TNKS: variants seen among roughly 807,000 people sequenced by gnomAD.
TNKS encodes tankyrase, also known as poly [ADP-ribose] polymerase tankyrase-1.
A neutral mutation model predicts 135.8 loss-of-function variants in TNKS; 72 were observed. The ratio of observed to expected loss-of-function variants is 0.53; its 90% CI spans 0.44 to 0.64. The LOEUF is 0.64. Among genes scored for constraint, TNKS ranks in the 30% least tolerant of loss-of-function variants. The probability of loss-of-function intolerance (pLI) is 0.00; values close to 1 mark genes in which losing one functional copy is unlikely to be tolerated. For missense variants in TNKS, 1,769 were observed against 1,674.0 expected, an observed-to-expected ratio of 1.06 and a Z score of -0.99; for synonymous variants, 849 against 649.3, an observed-to-expected ratio of 1.31 and a Z score of -4.68.
At chr8:9,576,466 CTTTTTTTTTTTT>C (rs915555599) in intron 1 of TNKS, among the ~76,000 whole-genome samples, 3 of 131,478 alleles carry the variant, frequency 2.3e-5, no homozygotes, top group African/African-American at 8.5e-5. Context: ...CCACCCCCCT[CTTTTTTTTTTTT>C]TTTTTTTTTT....
At chr8:9,713,915 C>G (rs1209527500) in intron 11 of TNKS, among the ~76,000 whole-genome samples, 1 of 152,110 alleles carries the variant, frequency 6.6e-6, no homozygotes, top group African/African-American at 2.4e-5. Flanking sequence ...CTCATGGTTT[C>G]CATTTGATTC....
intron 11 of TNKS, among the ~76,000 whole-genome samples, chr8:9,715,330 A>T (rs530091571): frequency 6.7e-6 from 1 of 149,196 alleles, no homozygotes; most frequent in Admixed American, 6.7e-5. Flanking sequence ...GTTCAAGGAA[A>T]GTAGCAAGGA....
At chr8:9,651,893 T>G (rs1322726663) in intron 3 of TNKS, among the ~76,000 whole-genome samples, 2 of 152,220 alleles carry the variant, frequency 1.3e-5, no homozygotes, top group Non-Finnish European at 2.9e-5. Context: ...AAAATACTAA[T>G]GTACATATTA....
intron 3 of TNKS, among the ~76,000 whole-genome samples, chr8:9,656,673 G>T (rs1472998598): frequency 6.7e-6 from 1 of 149,114 alleles, no homozygotes; most frequent in Admixed American, 6.6e-5. Flanking sequence ...CACAGAGGGG[G>T]ATTTGGCAGG....
intron 5 of TNKS, among the ~76,000 whole-genome samples, chr8:9,700,660 A>C (rs1265653406): frequency 6.6e-6 from 1 of 151,488 alleles, no homozygotes; most frequent in Non-Finnish European, 1.5e-5. Context: ...CAACCTGGAA[A>C]CTACTCTATC....
chr8:9,622,149 T>G (rs1467610279), intron 3 of TNKS, among the ~76,000 whole-genome samples: 2 of 152,228 alleles, frequency 1.3e-5, no homozygotes, highest in Non-Finnish European at 1.5e-5. Context: ...AGGAGAAGAA[T>G]GTAAAACTCA....
intron 3 of TNKS, among the ~76,000 whole-genome samples, chr8:9,626,098 T>C (rs1241518738): frequency 6.6e-6 from 1 of 152,236 alleles, no homozygotes; most frequent in Non-Finnish European, 1.5e-5. Flanking sequence ...TGTAGCTTTG[T>C]TGCATACACA....
At chr8:9,684,896 A>T (rs1420409319) in intron 5 of TNKS, among the ~76,000 whole-genome samples, 2 of 152,160 alleles carry the variant, frequency 1.3e-5, no homozygotes, top group African/African-American at 4.8e-5. Flanking sequence ...TTAAAATGAT[A>T]CAGTATTCCT....
rs539685196 is a variant in TNKS, at chr8:9,693,028, A to G, written c.1108-11635A>G. On this transcript the variant is annotated intron_variant, in intron 5 of 26. Transcript: ENST00000310430. ...CAGATTAATCATGTCTCTGTGCCTG[A>G]TAGAAATTTAATAAAGCTAATTATG... Among the ~76,000 whole-genome samples, 4 of 152,342 alleles carry G rather than the reference A, an allele frequency of 2.6e-5. 1 individual carries two copies. The highest frequency in any genetic ancestry group is 9.6e-5 in the African/African-American group (4 of 41,580).
chr8:9,687,588 T>C (rs1803065559), intron 5 of TNKS, among the ~76,000 whole-genome samples: 1 of 152,242 alleles, frequency 6.6e-6, no homozygotes, highest in African/African-American at 2.4e-5. Flanking sequence ...CCAAGTGCGC[T>C]GTTTTCTCTG....
Position 9,700,626 on chromosome 8 carries a change from T to C in TNKS, c.1108-4037T>C, listed in dbSNP as rs191235094. Among the ~76,000 whole-genome samples the C allele has an allele frequency of 8.5e-4, 129 of 152,050 alleles. 3 individuals carry two copies. In the South Asian group the frequency reaches 0.01, roughly 12 times the overall value. On this transcript the variant is annotated intron_variant, in intron 5 of 26. Coordinates refer to ENST00000310430, the MANE Select transcript of TNKS (RefSeq NM_003747.3). ...ACACTCCCTTCTTTTTTTTTTTCTG[T>C]TGTTCTTCTGTCATTGGCATTTCCA...
At chr8:9,740,851 A>C (rs1226125618) in intron 17 of TNKS, 1 of 47,958 alleles carries the variant, frequency 2.1e-5, no homozygotes, top group Non-Finnish European at 5.0e-5. Flanking sequence ...TTTTTTGAGA[A>C]CAGGTCGGAC....
At chr8:9,649,086 A>G (rs994686092) in intron 3 of TNKS, among the ~76,000 whole-genome samples, 3 of 152,234 alleles carry the variant, frequency 2.0e-5, no homozygotes, top group Non-Finnish European at 4.4e-5. Context: ...TCAGTGAAGA[A>G]ATTATTATAA....
intron 5 of TNKS, among the ~76,000 whole-genome samples, chr8:9,701,101 T>G (rs1268448541): frequency 6.6e-6 from 1 of 151,954 alleles, no homozygotes; most frequent in Non-Finnish European, 1.5e-5. Flanking sequence ...ACCTGGCTAA[T>G]TTTTTGTATT....
At chr8:9,618,390 G>A (rs1405283181) in intron 3 of TNKS, among the ~76,000 whole-genome samples, 2 of 152,134 alleles carry the variant, frequency 1.3e-5, no homozygotes, top group Non-Finnish European at 2.9e-5. Flanking sequence ...GTTTTGGATA[G>A]CACACTTGGA....
At chr8:9,634,684 A>G (rs956737178) in intron 3 of TNKS, among the ~76,000 whole-genome samples, 2 of 152,186 alleles carry the variant, frequency 1.3e-5, no homozygotes, top group South Asian at 4.1e-4. Flanking sequence ...ACTGCGGGAA[A>G]CAAACCTCTA....
intron 17 of TNKS, among the ~76,000 whole-genome samples, chr8:9,745,074 GTTTAA>G (rs1449412986): frequency 9.5e-4 from 144 of 152,264 alleles, no homozygotes; most frequent in Middle Eastern, 3.4e-3. Context: ...CAGAAACACA[GTTTAA>G]GTAGCTTGTA....
At chr8:9,596,719 A>C (rs1798801849) in intron 2 of TNKS, among the ~76,000 whole-genome samples, 3 of 152,214 alleles carry the variant, frequency 2.0e-5, no homozygotes, top group Non-Finnish European at 4.4e-5. Context: ...GTCAAGCCTG[A>C]AAATTTCTAA....
At chr8:9,652,474 T>A (rs887318404) in intron 3 of TNKS, among the ~76,000 whole-genome samples, 3 of 152,214 alleles carry the variant, frequency 2.0e-5, no homozygotes, top group African/African-American at 7.2e-5. Flanking sequence ...GGATTATAAC[T>A]TTCTAGGGAT....
Sources: gnomAD v4.1 joint callset for allele counts (sites outside exome capture counted in the v4.1 genomes callset) on GRCh38, gnomAD v4.1.1 for gene constraint, MANE v1.5 for transcripts, NCBI Gene and HGNC (gene_info 2026-07-23, HGNC 2026-07-21) for gene names.